Variants in HLTF observed in about 807,000 individuals in gnomAD.
HLTF encodes helicase like transcription factor, also known as DNA-dependent ATPase/E3 ubiquitin-protein ligase HLTF.
Under a neutral mutation model 129.4 loss-of-function variants are expected in HLTF, and 127 were observed. That is an observed-to-expected ratio of 0.98 (90% CI 0.85 to 1.14). The LOEUF (loss-of-function observed/expected upper bound fraction) is 1.14, where lower values mean the gene tolerates loss of function less well. Among genes scored for constraint, HLTF ranks in the 50% most tolerant of loss-of-function variants. HLTF has a pLI of 0.00. For synonymous variants in HLTF, 332 were observed against 388.8 expected, an observed-to-expected ratio of 0.85 and a Z score of 1.72; for missense variants, 1,139 against 1,187.1, an observed-to-expected ratio of 0.96 and a Z score of 0.60.
chr3:149,033,295 G>C (rs1715290158), intron 24 of HLTF, among the ~76,000 whole-genome samples: 1 of 152,034 alleles, frequency 6.6e-6, no homozygotes, highest in African/African-American at 2.4e-5. Flanking sequence ...AATGGAGAAA[G>C]GATACTATGT....
intron 1 of HLTF, 35 bp from the exon 2 acceptor site, chr3:149,084,924 A>G (rs754146671): frequency 7.4e-5 from 107 of 1,454,490 alleles, no homozygotes; most frequent in Non-Finnish European, 9.4e-5. Context: ...AAACAATATA[A>G]TATTTAAGTA....
chr3:149,069,654 G>A (rs1264984279), intron 7 of HLTF, among the ~76,000 whole-genome samples: 2 of 152,080 alleles, frequency 1.3e-5, no homozygotes, highest in Non-Finnish European at 2.9e-5. Flanking sequence ...ACTCAAGATG[G>A]GAGTTATAAG....
chr3:149,060,972 A>G (rs1717892374), intron 10 of HLTF, 114 bp from the exon 11 acceptor site: 1 of 707,246 alleles, frequency 1.4e-6, no homozygotes. Flanking sequence ...TTATTTTTTG[A>G]AAAATTTTTT....
chr3:149,082,241 G>A (rs1223904187), intron 2 of HLTF, among the ~76,000 whole-genome samples: 4 of 152,028 alleles, frequency 2.6e-5, no homozygotes, highest in Admixed American at 2.6e-4. Flanking sequence ...GGCGGATCAC[G>A]AGGTCAGGAG....
At chr3:149,081,296 A>G (rs1719851883) in intron 2 of HLTF, among the ~76,000 whole-genome samples, 1 of 151,780 alleles carries the variant, frequency 6.6e-6, no homozygotes, top group Non-Finnish European at 1.5e-5. Context: ...TAAAAATGAA[A>G]TAAGAATAAG....
intron 8 of HLTF, among the ~76,000 whole-genome samples, chr3:149,068,001 C>G (rs1718542971): frequency 6.6e-6 from 1 of 152,110 alleles, no homozygotes; most frequent in Admixed American, 6.5e-5. Flanking sequence ...GCAGAGGTTA[C>G]AGTGAGCTGA....
At chr3:149,046,354 TTA>T in intron 17 of HLTF, 95 bp from the exon 18 acceptor site, 1 of 667,910 alleles carries the variant, frequency 1.5e-6, no homozygotes, top group Non-Finnish European at 2.3e-6. Context: ...TGTTACTGTT[TTA>T]TAGCTTCTGT....
chr3:149,073,297 A>G lies in HLTF; in HGVS notation c.555T>C (p.Gly185=), dbSNP rs150121871. The change falls in exon 5 of 25, where the codon GGT becomes GGC. Residue 185 remains glycine, a synonymous_variant. Transcript: ENST00000310053. ...TTGGTCCAGCTCTTCCAGAGCCCCAACCACTTTCCAAATTGAATCCTAAAG... is the reference window on the plus strand; with the variant it reads ...TTGGTCCAGCTCTTCCAGAGCCCCAGCCACTTTCCAAATTGAATCCTAAAG... ...PKTLGFNLES[G]WGSGRAGPSY... is the part of the protein sequence containing the mutation. 2.5e-6 allele frequency: 4 copies of G among 1,612,198 alleles called. No individual in the cohort carries two copies. Among genetic ancestry groups the G allele is most frequent in the South Asian group, 2.2e-5 (2 of 90,750 alleles).
At chr3:149,073,858 T>A (rs1188874654) in intron 4 of HLTF, among the ~76,000 whole-genome samples, 1 of 152,212 alleles carries the variant, frequency 6.6e-6, no homozygotes, top group African/African-American at 2.4e-5. Context: ...TCATTCGCTA[T>A]CAGAAGATTA....
At chr3:149,068,157 TGG>T in intron 8 of HLTF, 81 bp downstream of exon 8, 1 of 606,326 alleles carries the variant, frequency 1.6e-6, no homozygotes, top group East Asian at 2.8e-5. Flanking sequence ...CACAATTTCT[TGG>T]TAGTTTTTTT....
chr3:149,074,712 T>C (rs1719195978), intron 3 of HLTF, among the ~76,000 whole-genome samples: 1 of 151,976 alleles, frequency 6.6e-6, no homozygotes, highest in Non-Finnish European at 1.5e-5. Context: ...AAATGGGAAA[T>C]GCAAGAACTT....
At chr3:149,072,069 GAAATT>G (rs772574174) in intron 5 of HLTF, among the ~76,000 whole-genome samples, 9 of 151,980 alleles carry the variant, frequency 5.9e-5, no homozygotes, top group Non-Finnish European at 1.2e-4. Context: ...TTAAGAAATT[GAAATT>G]AAATTAAATT....
At chr3:149,032,470 C>A in intron 24 of HLTF, 98 bp from the exon 25 acceptor site, 1 of 697,788 alleles carries the variant, frequency 1.4e-6, no homozygotes, top group Admixed American at 3.4e-5. Context: ...ATGGCAAAAA[C>A]CGCAATTACT....
intron 8 of HLTF, among the ~76,000 whole-genome samples, chr3:149,065,110 G>T (rs1046507275): frequency 6.6e-6 from 1 of 150,876 alleles, no homozygotes; most frequent in Non-Finnish European, 1.5e-5. Context: ...TCACCTTTTC[G>T]AAAGGAATAC....
At position 149,084,741 on chromosome 3, in the gene HLTF, A is replaced by G. The variant is rs767234268; in HGVS notation, c.169T>C (p.Ser57Pro). The change falls in exon 2 of 25, where the codon TCC becomes CCC. Residue 57 changes from serine to proline, a missense_variant. Ser to Pro is a moderately conservative substitution (Grantham distance 74). Coordinates refer to ENST00000310053, the MANE Select transcript of HLTF (RefSeq NM_003071.4). Reference protein sequence around the residue: ...DFLTSDEEVDSVLFGSLRGHV... With the variant: ...DFLTSDEEVDPVLFGSLRGHV... ...CCTCTCAAACTTCCAAATAAAACGG[A>G]ATCTACTTCTTCATCACTAGTTAGA... 6.2e-7 allele frequency: 1 copy of G among 1,614,112 alleles called. No individual in the cohort carries two copies. Among genetic ancestry groups the G allele is most frequent in the South Asian group, 1.1e-5 (1 of 91,086 alleles).
rs181728901 is a variant in HLTF, at chr3:149,050,069, C to T, written c.1617+163G>A. Among the ~76,000 whole-genome samples, 21 of 149,576 alleles carry T rather than the reference C, an allele frequency of 1.4e-4. No individual in the cohort carries two copies. In the East Asian group the frequency reaches 2.7e-3, roughly 19 times the overall value. The stretch of plus-strand genomic sequence containing the variant: ...ATCTAAATAAAATGCAACCCTTTCA[C>T]GCAAAAAGTCAAAAAAAAAAACCAT... On this transcript the variant is annotated intron_variant, in intron 15 of 24. Coordinates refer to ENST00000310053, the MANE Select transcript of HLTF (RefSeq NM_003071.4).
chr3:149,050,187 T>TA, intron 15 of HLTF, 45 bp downstream of exon 15: 1 of 1,311,118 alleles, frequency 7.6e-7, no homozygotes. Context: ...GCATATTTCT[T>TA]ACATTCAATC....
At chr3:149,081,532 G>C (rs976181064) in intron 2 of HLTF, among the ~76,000 whole-genome samples, 2 of 152,098 alleles carry the variant, frequency 1.3e-5, no homozygotes, top group African/African-American at 4.8e-5. Context: ...AAATTCAAGA[G>C]AGCCTGCCTT....
intron 24 of HLTF, among the ~76,000 whole-genome samples, chr3:149,032,660 T>C (rs1715199550): frequency 1.3e-5 from 2 of 151,856 alleles, no homozygotes; most frequent in South Asian, 4.1e-4. Flanking sequence ...GACTTCAGCA[T>C]TGTATTAAAA....
Sources: gnomAD v4.1 joint callset for allele counts (sites outside exome capture counted in the v4.1 genomes callset) on GRCh38, gnomAD v4.1.1 for gene constraint, MANE v1.5 for transcripts, NCBI Gene and HGNC (gene_info 2026-07-23, HGNC 2026-07-21) for gene names.